The following CSF3R variants were observed in gnomAD, a reference collection of about 807,000 sequenced individuals.
The protein encoded by CSF3R is granulocyte colony-stimulating factor receptor.
A neutral mutation model predicts 84.4 loss-of-function variants in CSF3R; 52 were observed. The observed-to-expected ratio is 0.62, with a 90% CI of 0.49 to 0.78. The LOEUF is 0.78. Ranked by LOEUF, CSF3R falls within the 30% of genes least tolerant of loss-of-function variation. The pLI is 0.00. For synonymous variants in CSF3R, 384 were observed against 429.1 expected, an observed-to-expected ratio of 0.89 and a Z score of 1.30; for missense variants, 890 against 1,055.7, an observed-to-expected ratio of 0.84 and a Z score of 2.17.
At chr1:36,468,361 C>T in intron 12 of CSF3R, 140 bp from the exon 13 acceptor site, 1 of 874,272 alleles carries the variant, frequency 1.1e-6, no homozygotes, top group East Asian at 2.7e-5. Flanking sequence ...TCATTTTTCC[C>T]AGGGATTTAA....
chr1:36,468,130 C>A lies in CSF3R; in HGVS notation c.1668G>T (p.Lys556Asn). ...EWVPEPPELGKSPLTHYTIFW... is the reference protein window; with the variant it reads ...EWVPEPPELGNSPLTHYTIFW... ...AGATGGTGTAGTGGGTAAGGGGGCT[C>A]TTCCCCAGCTCAGGGGGCTCAGGCA... Residue 556 changes from lysine to asparagine, a missense_variant, in exon 13 of 17, where the codon AAG becomes AAT. By Grantham distance (94) the Lys-to-Asn change is moderately conservative (BLOSUM62 0). Coordinates refer to ENST00000373106, the MANE Select transcript of CSF3R (RefSeq NM_000760.4). 6.2e-7 allele frequency: 1 copy of A among 1,614,160 alleles called. No individual in the cohort carries two copies.
At chr1:36,471,909 T>G in intron 9 of CSF3R, 157 bp downstream of exon 9, 1 of 783,614 alleles carries the variant, frequency 1.3e-6, no homozygotes, top group Non-Finnish European at 2.1e-6. Context: ...GTCCAAAAGC[T>G]AACTCAGCTC....
Position 36,469,204 on chromosome 1 carries a change from C to G in CSF3R, c.1528G>C (p.Asp510His), listed in dbSNP as rs3917991. The G allele has an allele frequency of 0.019, 30,513 of 1,613,928 alleles. 1,066 individuals carry two copies. Among genetic ancestry groups the G allele is most frequent in the African/African-American group, 0.16 (11,670 of 74,912 alleles). The change falls in exon 12 of 17, where the codon GAC becomes CAC. Residue 510 changes from aspartate to histidine, a missense_variant. Asp to His is a moderately conservative substitution (Grantham distance 81). Transcript: ENST00000373106. ...ACATGCTGGGAGGGTCCCATGGTGT[C>G]CTGGTACAAGGGAGTCACGATGATC... Reference protein sequence around the residue: ...YEIIVTPLYQDTMGPSQHVYA... With the variant: ...YEIIVTPLYQHTMGPSQHVYA...
At chr1:36,471,978 C>T in intron 9 of CSF3R, 88 bp downstream of exon 9, 1 of 1,327,522 alleles carries the variant, frequency 7.5e-7, no homozygotes, top group Non-Finnish European at 1.1e-6. Context: ...CCTCCCAGAC[C>T]TGTTGGAGTC....
rs769045336 is a variant in CSF3R, at chr1:36,469,248, C to G, written c.1484G>C (p.Arg495Thr). 25 of 1,613,554 alleles carry G rather than the reference C, an allele frequency of 1.5e-5. No individual in the cohort carries two copies. In the African/African-American group the frequency reaches 3.2e-4, roughly 21 times the overall value. ...GATGATCTCATAGAGCTGAAAGGGCCTGATGTTCTCTGTAGAGAGAAAATG... is the reference window on the plus strand; with the variant it reads ...GATGATCTCATAGAGCTGAAAGGGCGTGATGTTCTCTGTAGAGAGAAAATG... ...ATGFLLKENIRPFQLYEIIVT... is the reference protein window; with the variant it reads ...ATGFLLKENITPFQLYEIIVT... The change falls in exon 12 of 17, where the codon AGG becomes ACG. Residue 495 changes from arginine (R) to threonine (T), a missense_variant. Coordinates refer to ENST00000373106, the MANE Select transcript of CSF3R (RefSeq NM_000760.4).
rs754945864 is a variant in CSF3R at position 36,466,852 on chromosome 1, A to G, written c.2041-25T>C. 20 of 1,614,098 alleles carry G rather than the reference A, an allele frequency of 1.2e-5. 1 individual carries two copies. In the South Asian group the frequency reaches 2.2e-4, roughly 18 times the overall value. On this transcript the variant is annotated intron_variant, in intron 16 of 16. Transcript: ENST00000373106. The surrounding 1 kb of genome is among the most constrained non-coding windows in gnomAD (Gnocchi z 4.6). The stretch of plus-strand genomic sequence containing the variant: ...CCTGCACACAAGGATGTGGGGTGAG[A>G]GCACGGCTCATTTCAGATGTCTGCC...
chr1:36,478,857 G>A lies in CSF3R; in HGVS notation c.64+576C>T, dbSNP rs12129955. ...CAGAGGGAGACCCTGTCTCACAAAC[G>A]AACAAACAAACAAACAAACAAACAA... On this transcript the variant is annotated intron_variant, in intron 3 of 16. Coordinates refer to ENST00000373106, the MANE Select transcript of CSF3R (RefSeq NM_000760.4). The A allele has an allele frequency of 1.3e-3, 254 of 196,590 alleles. 7 individuals are homozygous for A. The highest frequency in any genetic ancestry group is 1.0e-2 in the South Asian group (117 of 11,738). The allele number at this position is 196,590 out of a possible 1,614,324, so 12.2% of individuals were successfully genotyped here. A position where few individuals can be genotyped will look rare whatever the true frequency, so the allele number is the denominator to read the frequency against.
At chr1:36,480,228 G>C (rs1570603409) in intron 2 of CSF3R, 1 of 155,234 alleles carries the variant, frequency 6.4e-6, no homozygotes, top group Non-Finnish European at 1.4e-5. Flanking sequence ...AGCCATGCCA[G>C]TGTTGTCAGG....
chr1:36,482,287 G>T (rs3917914), intron 1 of CSF3R, among the ~76,000 whole-genome samples: 3 of 138,722 alleles, frequency 2.2e-5, no homozygotes, highest in African/African-American at 8.2e-5. Flanking sequence ...CCCAATGTAC[G>T]CCGACCCAGA....
Position 36,472,376 on chromosome 1 carries a change from A to G in CSF3R, c.859T>C (p.Leu287=), listed in dbSNP as rs1650818530. The G allele has an allele frequency of 1.2e-6, 2 of 1,613,932 alleles. No individual in the cohort carries two copies. Among genetic ancestry groups the G allele is most frequent in the South Asian group, 1.1e-5 (1 of 91,090 alleles). The stretch of plus-strand genomic sequence containing the variant: ...CAGAGCTCATACTGAAGGGCCTCCA[A>G]GGGGAGGGGGCCCACCTGGTGAGGG... ...ASWALVGPLP[L]EALQYELCGL... The change falls in exon 8 of 17, where the codon TTG becomes CTG. Residue 287 remains leucine, a synonymous_variant. Transcript: ENST00000373106. This position sits in a 1 kb window ranked among gnomAD's most constrained non-coding sequence, Gnocchi z 5.0.
intron 4 of CSF3R, among the ~76,000 whole-genome samples, 182 bp downstream of exon 4, chr1:36,475,195 C>T (rs747100035): frequency 2.0e-5 from 3 of 152,036 alleles, no homozygotes; most frequent in South Asian, 2.1e-4. Context: ...TTAGTAGAGG[C>T]GGGGTTTCGC....
In CSF3R at chr1:36,466,924, A is replaced by G. The variant is rs200741796; in HGVS notation, c.2041-97T>C. The G allele has an allele frequency of 1.4e-5, 22 of 1,613,052 alleles. No individual in the cohort carries two copies. The highest frequency in any genetic ancestry group is 9.9e-5 in the South Asian group (9 of 91,068). ...GTCCGGGCAGCTGTGGGGACATTCA[A>G]CTGTTGTTACTGGTGGAACACAAAG... On this transcript the variant is annotated intron_variant, in intron 16 of 16. Coordinates refer to ENST00000373106, the MANE Select transcript of CSF3R (RefSeq NM_000760.4). This position sits in a 1 kb window ranked among gnomAD's most constrained non-coding sequence, Gnocchi z 4.6.
rs751353931 is a variant in CSF3R, at chr1:36,466,313, C to T, written c.*44G>A. On this transcript the variant is annotated 3_prime_UTR_variant, in exon 17 of 17. Transcript: ENST00000373106. The surrounding 1 kb of genome is among the most constrained non-coding windows in gnomAD (Gnocchi z 4.6). ...ACCCTCCCCTCTTCTCCAGCTAGCT[C>T]AGGCCTTTAAGAGGCAGGCCCAAGA... 1.2e-6 allele frequency: 2 copies of T among 1,611,936 alleles called. No homozygotes were observed. Among genetic ancestry groups the T allele is most frequent in the South Asian group, 2.2e-5 (2 of 90,938 alleles).
rs1650301392 is a variant in CSF3R, at chr1:36,466,271, T to C, written c.*86A>G. On this transcript the variant is annotated 3_prime_UTR_variant, in exon 17 of 17. Coordinates refer to ENST00000373106, the MANE Select transcript of CSF3R (RefSeq NM_000760.4). The surrounding 1 kb of genome is among the most constrained non-coding windows in gnomAD (Gnocchi z 4.6). ...TGAGAGCCTGGGCTGGGGTAGTTTT[T>C]AGTCATGGGCTTATGGACCCTCCCC... is the stretch of plus-strand genomic sequence containing the variant. 3.7e-6 allele frequency: 6 copies of C among 1,612,392 alleles called. No individual in the cohort carries two copies. The highest frequency in any genetic ancestry group is 5.1e-6 in the Non-Finnish European group (6 of 1,179,430).
upstream of CSF3R, chr1:36,483,297 C>T (rs1651646092): frequency 2.0e-5 from 3 of 152,210 alleles, no homozygotes; most frequent in African/African-American, 7.2e-5. Flanking sequence ...CCTTGGGGAC[C>T]ACATCTTCAC....
chr1:36,471,195 G>A (rs370657963), intron 10 of CSF3R, among the ~76,000 whole-genome samples: 4 of 152,040 alleles, frequency 2.6e-5, no homozygotes, highest in South Asian at 4.2e-4. Context: ...ACAGGTGCCC[G>A]CCACTATGCC....
intron 1 of CSF3R, 86 bp downstream of exon 1, chr1:36,482,725 T>G (rs912920155): frequency 2.0e-5 from 3 of 152,198 alleles, no homozygotes; most frequent in Non-Finnish European, 4.4e-5. Flanking sequence ...ACATGAACAC[T>G]TGGCAGAGCT....
rs1005649055 is a variant in CSF3R, at chr1:36,468,343, C to G, written c.1577-122G>C. The G allele has an allele frequency of 5.0e-6, 5 of 1,001,646 alleles. No homozygotes were observed. The African/African-American group carries it at 6.5e-5, about 13-fold the overall frequency. The allele number at this position is 1,001,646 out of a possible 1,614,324, so 62.0% of individuals were successfully genotyped here. On this transcript the variant is annotated intron_variant, in intron 12 of 16. Coordinates refer to ENST00000373106, the MANE Select transcript of CSF3R (RefSeq NM_000760.4). ...AGAAAAGAGTCCAAGGGGACTCATG[C>G]CCAAGCCTCATTTTTCCCAGGGATT...
rs1471584414 is a variant in CSF3R, at chr1:36,467,580, C to T, written c.1936G>A (p.Ala646Thr). 4 of 1,614,046 alleles carry T rather than the reference C, an allele frequency of 2.5e-6. No individual in the cohort carries two copies. The highest frequency in any genetic ancestry group is 3.4e-6 in the Non-Finnish European group (4 of 1,180,028). ...LLLLTCLCGT[A>T]WLCCSPNRKN... is the part of the protein sequence containing the mutation. The stretch of plus-strand genomic sequence containing the variant: ...CACTTGGGGCTGCAACAGAGCCAGG[C>T]AGTTCCACAGAGGCAGGTGAGCAAC... Residue 646 changes from alanine (A) to threonine (T), a missense_variant, in exon 15 of 17, where the codon GCC becomes ACC. Transcript: ENST00000373106. The surrounding 1 kb of genome is among the most constrained non-coding windows in gnomAD (Gnocchi z 4.1).
Sources: allele counts gnomAD v4.1 joint callset (sites outside exome capture counted in the v4.1 genomes callset), GRCh38; gene constraint gnomAD v4.1.1; non-coding constraint Gnocchi (gnomAD v3.1); transcripts MANE v1.5; gene names NCBI Gene and HGNC (gene_info 2026-07-23, HGNC 2026-07-21).